The following LUZP2 variants were observed in gnomAD, a reference collection of about 807,000 sequenced individuals.
LUZP2 encodes leucine zipper protein 2.
In LUZP2, 52 loss-of-function variants were observed where a neutral mutation model predicts 51.6. The ratio of observed to expected loss-of-function variants is 1.01; its 90% confidence interval spans 0.81 to 1.27. LUZP2 has a LOEUF of 1.27. LUZP2 is among the 50% of genes most tolerant of loss of function. The probability of loss-of-function intolerance (pLI) is 0.00; values close to 1 mark genes in which losing one functional copy is unlikely to be tolerated. For synonymous variants in LUZP2, 154 were observed against 137.3 expected, an observed-to-expected ratio of 1.12 and a Z score of -0.85; for missense variants, 436 against 395.4, an observed-to-expected ratio of 1.10 and a Z score of -0.87.
chr11:24,654,490 A>T (rs925435048), intron 1 of LUZP2, among the ~76,000 whole-genome samples: 1 of 151,850 alleles, frequency 6.6e-6, no homozygotes, highest in Non-Finnish European at 1.5e-5. Flanking sequence ...CTCTCTGCTC[A>T]CTGCAACTTC....
chr11:24,497,803 T>A (rs1849872929), intron 1 of LUZP2, among the ~76,000 whole-genome samples: 1 of 152,216 alleles, frequency 6.6e-6, no homozygotes, highest in African/African-American at 2.4e-5. Flanking sequence ...GTTCCTGGAC[T>A]CCTGAAATGG....
intron 5 of LUZP2, among the ~76,000 whole-genome samples, chr11:24,827,252 G>C (rs1850570834): frequency 6.6e-6 from 1 of 152,146 alleles, no homozygotes. Context: ...TGTCAAACCA[G>C]AGTGGGTCAG....
intron 9 of LUZP2, 29 bp downstream of exon 9, chr11:24,983,322 A>G: frequency 6.2e-7 from 1 of 1,600,614 alleles, no homozygotes. Context: ...CGCTTTGTAA[A>G]GTAACAGCAA....
intron 9 of LUZP2, among the ~76,000 whole-genome samples, chr11:25,032,900 T>G (rs1336218441): frequency 1.3e-5 from 2 of 152,114 alleles, no homozygotes; most frequent in African/African-American, 4.8e-5. Flanking sequence ...TTGAGAAAAA[T>G]CCAAGATTTT....
intron 1 of LUZP2, among the ~76,000 whole-genome samples, chr11:24,607,196 C>CAA (rs34039155): frequency 7.0e-6 from 1 of 143,754 alleles, no homozygotes; most frequent in Admixed American, 7.0e-5. Context: ...ATGTCAAATC[C>CAA]AAAAAAAAAA....
At chr11:24,888,550 A>T (rs929575450) in intron 5 of LUZP2, among the ~76,000 whole-genome samples, 2 of 152,150 alleles carry the variant, frequency 1.3e-5, no homozygotes, top group Non-Finnish European at 2.9e-5. Context: ...TTCAGGTTTT[A>T]CCACACAGGA....
chr11:24,903,429 A>G (rs1167100352), intron 5 of LUZP2, among the ~76,000 whole-genome samples: 1 of 152,178 alleles, frequency 6.6e-6, no homozygotes, highest in Admixed American at 6.5e-5. Flanking sequence ...GACTGGGACA[A>G]CTGTACCCCC....
At chr11:24,954,158 G>T (rs1376227599) in intron 7 of LUZP2, among the ~76,000 whole-genome samples, 1 of 151,896 alleles carries the variant, frequency 6.6e-6, no homozygotes, top group Non-Finnish European at 1.5e-5. Flanking sequence ...ACAATAGCAA[G>T]GGTAACCTAT....
chr11:24,575,347 G>T (rs1289277678), intron 1 of LUZP2, among the ~76,000 whole-genome samples: 1 of 151,898 alleles, frequency 6.6e-6, no homozygotes, highest in Non-Finnish European at 1.5e-5. Context: ...TCCTATATTT[G>T]CCTGGTTGCT....
intron 5 of LUZP2, among the ~76,000 whole-genome samples, chr11:24,843,032 C>G (rs1851084687): frequency 6.6e-6 from 1 of 151,506 alleles, no homozygotes; most frequent in South Asian, 2.1e-4. Context: ...AAATAAGTAA[C>G]ATTATTAATG....
chr11:24,614,368 A>G (rs574666934), intron 1 of LUZP2, among the ~76,000 whole-genome samples: 2 of 152,090 alleles, frequency 1.3e-5, no homozygotes, highest in Admixed American at 6.6e-5. Flanking sequence ...ACTTTAACTG[A>G]TGCTCCTACT....
intron 5 of LUZP2, among the ~76,000 whole-genome samples, chr11:24,842,365 A>C (rs1392817047): frequency 6.6e-6 from 1 of 151,624 alleles, no homozygotes; most frequent in Non-Finnish European, 1.5e-5. Context: ...ATGAATTAAT[A>C]AAATAGTTTT....
chr11:24,791,163 A>AC lies in LUZP2; in HGVS notation c.396+27859dup, dbSNP rs140541942. On this transcript the variant is annotated intron_variant, in intron 5 of 11. Transcript: ENST00000336930. ...TTGTTGACACCTTTCTTTTTCTCATACCCCACGTTTGAAATTCTTCTTAAT... is the reference window on the plus strand; with the variant it reads ...TTGTTGACACCTTTCTTTTTCTCATACCCCCACGTTTGAAATTCTTCTTAAT... Among the ~76,000 whole-genome samples the AC allele has an allele frequency of 8.3e-3, 1,265 of 152,116 alleles. 18 individuals are homozygous for AC. Among genetic ancestry groups the AC allele is most frequent in the African/African-American group, 0.022 (914 of 41,498 alleles).
chr11:24,613,945 G>A (rs911749504), intron 1 of LUZP2, among the ~76,000 whole-genome samples: 1 of 151,844 alleles, frequency 6.6e-6, no homozygotes, highest in Non-Finnish European at 1.5e-5. Flanking sequence ...AATCTACTAG[G>A]CACAGTTAAC....
At chr11:25,023,579 A>T (rs1302253672) in intron 9 of LUZP2, among the ~76,000 whole-genome samples, 1 of 135,386 alleles carries the variant, frequency 7.4e-6, no homozygotes, top group East Asian at 2.0e-4. Flanking sequence ...TTTCAAAAAA[A>T]CCAGCTCCTG....
At chr11:24,729,370 G>C (rs777434201) in intron 2 of LUZP2, 84 bp downstream of exon 2, 213 of 660,394 alleles carry the variant, frequency 3.2e-4, no homozygotes, top group Non-Finnish European at 4.9e-4. Flanking sequence ...TTTTTAAATA[G>C]TTTTTAATGT....
intron 5 of LUZP2, among the ~76,000 whole-genome samples, chr11:24,840,642 G>A (rs1054329907): frequency 1.3e-5 from 2 of 152,012 alleles, no homozygotes; most frequent in South Asian, 2.1e-4. Flanking sequence ...GGAGATGGGG[G>A]CTTAGGAATT....
intron 1 of LUZP2, among the ~76,000 whole-genome samples, chr11:24,543,181 T>G (rs938338942): frequency 7.3e-5 from 11 of 150,150 alleles, no homozygotes; most frequent in African/African-American, 2.8e-4. Flanking sequence ...ATAAGAAAAC[T>G]GATACTTTAG....
chr11:24,699,236 C>T (rs1857346512), intron 1 of LUZP2, among the ~76,000 whole-genome samples: 1 of 152,208 alleles, frequency 6.6e-6, no homozygotes, highest in African/African-American at 2.4e-5. Context: ...TCCACCCACG[C>T]TTCACCATAA....
Sources: allele counts gnomAD v4.1 joint callset (sites outside exome capture counted in the v4.1 genomes callset), GRCh38; gene constraint gnomAD v4.1.1; transcripts MANE v1.5; gene names NCBI Gene and HGNC (gene_info 2026-07-23, HGNC 2026-07-21).